The following OPCML variants were observed in gnomAD, a reference collection of about 807,000 sequenced individuals.
The protein encoded by OPCML is opioid binding protein/cell adhesion molecule like, also known as opioid-binding protein/cell adhesion molecule.
OPCML carries 13 observed loss-of-function variants against 37.8 expected under a neutral mutation model. The observed-to-expected ratio is 0.34, with a 90% CI of 0.22 to 0.55. OPCML has a LOEUF of 0.55. OPCML is among the 20% of genes least tolerant of loss of function. The pLI is 0.91. For missense variants in OPCML, 341 were observed against 435.6 expected (o/e 0.78, Z 1.93); for synonymous variants, 176 against 168.8 (o/e 1.04, Z -0.33).
At chr11:133,089,687 T>C (rs534152204) in intron 1 of OPCML, among the ~76,000 whole-genome samples, 2 of 151,998 alleles carry the variant, frequency 1.3e-5, no homozygotes, top group East Asian at 3.9e-4. Context: ...CGTACTGAAG[T>C]ACAGAAAAAT....
intron 3 of OPCML, among the ~76,000 whole-genome samples, chr11:132,611,355 C>T (rs1053889019): frequency 9.2e-5 from 14 of 152,182 alleles, no homozygotes; most frequent in African/African-American, 3.1e-4. Context: ...CAATCCACTG[C>T]CGTTCAGTTC....
intron 3 of OPCML, among the ~76,000 whole-genome samples, chr11:132,539,761 TG>T (rs2096351287): frequency 6.6e-6 from 1 of 152,036 alleles, no homozygotes; most frequent in Non-Finnish European, 1.5e-5. Flanking sequence ...ATAATGGTGA[TG>T]ATGATAACGA....
chr11:132,478,224 T>G (rs1028303461), intron 4 of OPCML, among the ~76,000 whole-genome samples: 1 of 152,248 alleles, frequency 6.6e-6, no homozygotes, highest in South Asian at 2.1e-4. Context: ...TTAAACTGTG[T>G]TCTTCCATAA....
chr11:132,475,962 G>T (rs149548644), intron 4 of OPCML, among the ~76,000 whole-genome samples: 1 of 151,972 alleles, frequency 6.6e-6, no homozygotes, highest in African/African-American at 2.4e-5. Context: ...ACCTCTTTTC[G>T]CCCCAGTTTT....
intron 1 of OPCML, among the ~76,000 whole-genome samples, chr11:133,345,573 G>T (rs903887985): frequency 6.6e-6 from 1 of 152,198 alleles, no homozygotes; most frequent in African/African-American, 2.4e-5. Context: ...CCCCTTGTTT[G>T]TCTTCACTGT....
chr11:133,517,836 CA>C (rs1431369670), intron 1 of OPCML, among the ~76,000 whole-genome samples: 1 of 152,176 alleles, frequency 6.6e-6, no homozygotes. Flanking sequence ...GCCGCTCTTT[CA>C]GGGGGTACTC....
chr11:133,149,403 C>G (rs935451289), intron 1 of OPCML, among the ~76,000 whole-genome samples: 1 of 152,184 alleles, frequency 6.6e-6, no homozygotes. Context: ...TAGCCTGCCT[C>G]TTTAAGCCAG....
chr11:133,198,240 G>A (rs1412330573), intron 1 of OPCML, among the ~76,000 whole-genome samples: 2 of 152,222 alleles, frequency 1.3e-5, no homozygotes, highest in Non-Finnish European at 2.9e-5. Context: ...ATAACCCGCA[G>A]TGGGGAGATG....
intron 2 of OPCML, among the ~76,000 whole-genome samples, chr11:132,738,240 A>G (rs913331356): frequency 6.6e-6 from 1 of 152,198 alleles, no homozygotes; most frequent in African/African-American, 2.4e-5. Context: ...CTCAAAACTC[A>G]TGTCTATTCT....
chr11:133,406,872 G>A (rs955188765), intron 1 of OPCML, among the ~76,000 whole-genome samples: 2 of 152,172 alleles, frequency 1.3e-5, no homozygotes, highest in Admixed American at 1.3e-4. Context: ...AACCTTAATC[G>A]CAATTACAGA....
chr11:132,781,875 A>G (rs1048027710), intron 2 of OPCML, among the ~76,000 whole-genome samples: 29 of 149,994 alleles, frequency 1.9e-4, no homozygotes, highest in African/African-American at 6.8e-4. Flanking sequence ...AAAGTATCCA[A>G]TGACGTCTTC....
intron 1 of OPCML, among the ~76,000 whole-genome samples, chr11:133,021,916 A>G (rs1248721657): frequency 6.6e-6 from 1 of 152,212 alleles, no homozygotes; most frequent in East Asian, 1.9e-4. Context: ...CTCAGTCTTT[A>G]AGGGGCTGCT....
chr11:133,265,176 T>C (rs1202142063), intron 1 of OPCML, among the ~76,000 whole-genome samples: 1 of 152,138 alleles, frequency 6.6e-6, no homozygotes, highest in African/African-American at 2.4e-5. Context: ...AAGCGTCACA[T>C]CTCCCTGCCG....
chr11:133,169,083 C>T (rs772676056), intron 1 of OPCML, among the ~76,000 whole-genome samples: 58 of 152,128 alleles, frequency 3.8e-4, no homozygotes, highest in Non-Finnish European at 6.9e-4. Context: ...GAGCCGAGAT[C>T]GCGCCATTGC....
chr11:133,367,517 A>G (rs929373694), intron 1 of OPCML, among the ~76,000 whole-genome samples: 1 of 152,230 alleles, frequency 6.6e-6, no homozygotes, highest in Admixed American at 6.5e-5. Flanking sequence ...GTAAAGACAG[A>G]CAATTAAAAT....
chr11:133,141,027 C>CGAAGAT lies in OPCML; in HGVS notation c.62-198018_62-198017insATCTTC, dbSNP rs1196961036. Among the ~76,000 whole-genome samples the CGAAGAT allele has an allele frequency of 2.7e-4, 2 of 7,452 alleles. 1 individual carries two copies. The highest frequency in any genetic ancestry group is 5.5e-4 in the African/African-American group (2 of 3,614). 4.9% of individuals were successfully genotyped at this position (7,452 alleles called of 152,430 possible). On this transcript the variant is annotated intron_variant, in intron 1 of 7. Transcript: ENST00000524381. ...ACGACGACGACGACGACGACGACGA[C>CGAAGAT]GACGACGACGACGACGACGACGAAG...
intron 3 of OPCML, among the ~76,000 whole-genome samples, chr11:132,639,191 G>A (rs1940699947): frequency 6.6e-6 from 1 of 152,234 alleles, no homozygotes. Context: ...CGTGAGGAAA[G>A]AGCAGGCGGG....
chr11:132,842,416 G>A (rs1941336286), intron 2 of OPCML, among the ~76,000 whole-genome samples: 1 of 152,192 alleles, frequency 6.6e-6, no homozygotes, highest in South Asian at 2.1e-4. Flanking sequence ...CCTCTTCCCA[G>A]CAATATTCGC....
intron 7 of OPCML, among the ~76,000 whole-genome samples, chr11:132,429,939 C>CTAAGGTAAGGTA (rs2095990739): frequency 6.6e-6 from 1 of 152,062 alleles, no homozygotes; most frequent in Non-Finnish European, 1.5e-5. Flanking sequence ...GAGCTAGAAG[C>CTAAGGTAAGGTA]AGACTGAGGA....
Sources: allele counts gnomAD v4.1 joint callset (sites outside exome capture counted in the v4.1 genomes callset), GRCh38; gene constraint gnomAD v4.1.1; transcripts MANE v1.5; gene names NCBI Gene and HGNC (gene_info 2026-07-23, HGNC 2026-07-21).